The following FABP12 variants were observed in gnomAD, a reference collection of about 807,000 sequenced individuals.
FABP12 encodes the protein fatty acid-binding protein 12.
In FABP12, 19 loss-of-function variants were observed where a neutral mutation model predicts 13.7. The ratio of observed to expected loss-of-function variants is 1.39; its 90% confidence interval spans 0.97 to 2.04. The LOEUF (loss-of-function observed/expected upper bound fraction) is 2.04. Among genes scored for constraint, FABP12 ranks in the 30% most tolerant of loss-of-function variants. The probability of loss-of-function intolerance (pLI) is 0.00; values close to 1 mark genes in which losing one functional copy is unlikely to be tolerated. For missense variants in FABP12, 182 were observed against 164.2 expected, an observed-to-expected ratio of 1.11 and a Z score of -0.59; for synonymous variants, 61 against 57.0, an observed-to-expected ratio of 1.07 and a Z score of -0.32.
intron 1 of FABP12, among the ~76,000 whole-genome samples, chr8:81,561,519 C>T (rs915089786): frequency 6.6e-6 from 1 of 152,124 alleles, no homozygotes; most frequent in Non-Finnish European, 1.5e-5. Flanking sequence ...AAGCAAAAAT[C>T]AGGTGAGTGA....
intron 1 of FABP12, among the ~76,000 whole-genome samples, chr8:81,572,354 G>C (rs772394062): frequency 2.6e-5 from 4 of 152,072 alleles, no homozygotes; most frequent in South Asian, 2.1e-4. Context: ...TCCACTCATT[G>C]ATTGATGGGC....
chr8:81,559,494 G>A (rs55646326), intron 1 of FABP12, among the ~76,000 whole-genome samples: 6 of 152,164 alleles, frequency 3.9e-5, no homozygotes, highest in Non-Finnish European at 7.3e-5. Context: ...GTGATCGGGG[G>A]CTGGTCCAAA....
upstream of FABP12, among the ~76,000 whole-genome samples, chr8:81,537,198 A>T (rs1045172840): frequency 1.3e-5 from 2 of 152,058 alleles, no homozygotes; most frequent in African/African-American, 4.8e-5. Flanking sequence ...AGTCAAATAT[A>T]TGGAATATTT....
intron 1 of FABP12, among the ~76,000 whole-genome samples, chr8:81,555,585 C>A (rs985528167): frequency 6.6e-6 from 1 of 152,148 alleles, no homozygotes; most frequent in Non-Finnish European, 1.5e-5. Context: ...TAGTTGCCAT[C>A]TTTTGATGGT....
chr8:81,526,418 T>C (rs1480364891), intron 4 of FABP12: 1 of 152,212 alleles, frequency 6.6e-6, no homozygotes, highest in Non-Finnish European at 1.5e-5. Context: ...CTGATGCTCC[T>C]CCCAGTACCA....
At chr8:81,541,165 CAA>C (rs35883271) in intron 1 of FABP12, among the ~76,000 whole-genome samples, 16 of 91,340 alleles carry the variant, frequency 1.8e-4, no homozygotes, top group Non-Finnish European at 1.4e-4. Flanking sequence ...GACTCTGTCT[CAA>C]AAAAAAAAAA....
rs35386904 is a variant in FABP12, at chr8:81,539,433, C to CTTTTTTTTTTTTTT, written c.-59+171_-59+184dup. Among the ~76,000 whole-genome samples, 38 of 50,024 alleles carry CTTTTTTTTTTTTTT rather than the reference C, an allele frequency of 7.6e-4. 1 individual carries two copies. Among genetic ancestry groups the CTTTTTTTTTTTTTT allele is most frequent in the South Asian group, 1.4e-3 (1 of 724 alleles). 32.8% of individuals were successfully genotyped at this position (50,024 alleles called of 152,430 possible). A position where few individuals can be genotyped will look rare whatever the true frequency, so the allele number is the denominator to read the frequency against. On this transcript the variant is annotated intron_variant, in intron 2 of 5. Transcript: ENST00000692030. ...AAACATTTTCCTTACTTCTTTAGTTCTTTTTTTTTTTTTTTTTTTTTTTTT... is the reference window on the plus strand; with the variant it reads ...AAACATTTTCCTTACTTCTTTAGTTCTTTTTTTTTTTTTTTTTTTTTTTTTTTTTTTTTTTTTTT...
chr8:81,586,439 A>T (rs910502064), intron 1 of FABP12, among the ~76,000 whole-genome samples: 7 of 152,204 alleles, frequency 4.6e-5, no homozygotes, highest in Non-Finnish European at 8.8e-5. Flanking sequence ...ACAATGGCTG[A>T]ACTAATTTAC....
intron 1 of FABP12, among the ~76,000 whole-genome samples, 149 bp from the exon 2 acceptor site, chr8:81,531,539 C>A (rs549100598): frequency 6.6e-6 from 1 of 152,258 alleles, no homozygotes; most frequent in East Asian, 1.9e-4. Context: ...AAAATGGAAA[C>A]ACAGTAGAGT....
exon 1 of FABP12, among the ~76,000 whole-genome samples, chr8:81,590,062 C>T (rs1318001479): frequency 6.6e-6 from 1 of 152,114 alleles, no homozygotes; most frequent in East Asian, 1.9e-4. Context: ...CCTGAGAATT[C>T]CAAGAAGAGA....
At chr8:81,568,399 A>G (rs1205110410) in intron 1 of FABP12, among the ~76,000 whole-genome samples, 1 of 152,252 alleles carries the variant, frequency 6.6e-6, no homozygotes, top group Non-Finnish European at 1.5e-5. Flanking sequence ...ATCGATCATC[A>G]GAGAAGTAGA....
In FABP12 at chr8:81,581,716, A is replaced by T. The variant is rs147529294; in HGVS notation, c.-185+8337T>A. On this transcript the variant is annotated intron_variant, in intron 1 of 5. Transcript: ENST00000692030. Reference sequence around the variant, plus strand: ...AAAAAGAGTTAGCCACAGATTCCATACCCAGCAAAGTTATTTTTCATAAAT... The same window carrying T: ...AAAAAGAGTTAGCCACAGATTCCATTCCCAGCAAAGTTATTTTTCATAAAT... 3.3e-3 allele frequency among the ~76,000 whole-genome samples: 501 copies of T among 152,336 alleles called. 5 individuals are homozygous for T. Among genetic ancestry groups the T allele is most frequent in the African/African-American group, 0.011 (478 of 41,568 alleles).
In FABP12 at chr8:81,571,035, G is replaced by A. The variant is rs564520881; in HGVS notation, c.-185+19018C>T. On this transcript the variant is annotated intron_variant, in intron 1 of 5. Transcript: ENST00000692030. ...CAAGAGGCACCTGCAGGCCAGCGCCGAGCCACCCTCAGGCCCCCACTCAGT... is the reference window on the plus strand; with the variant it reads ...CAAGAGGCACCTGCAGGCCAGCGCCAAGCCACCCTCAGGCCCCCACTCAGT... Among the ~76,000 whole-genome samples the A allele has an allele frequency of 1.0e-4, 14 of 133,968 alleles. No individual in the cohort carries two copies. In the South Asian group the frequency reaches 1.3e-3, roughly 12 times the overall value. 87.9% of individuals were successfully genotyped at this position (133,968 alleles called of 152,430 possible). A position where few individuals can be genotyped will look rare whatever the true frequency, so the allele number is the denominator to read the frequency against.
At chr8:81,587,150 A>G (rs746426735) in intron 1 of FABP12, among the ~76,000 whole-genome samples, 1 of 152,084 alleles carries the variant, frequency 6.6e-6, no homozygotes, top group Non-Finnish European at 1.5e-5. Context: ...ACATTGGTCT[A>G]TGTGTCTGTT....
At chr8:81,524,992 T>C in exon 5 of FABP12, 1 of 1,182,064 alleles carries the variant, frequency 8.5e-7, no homozygotes, top group South Asian at 1.4e-5. Context: ...AATATTTTAC[T>C]TTGGAGTTTT....
At chr8:81,526,978 CG>C in intron 4 of FABP12, 41 bp downstream of exon 4, 1 of 1,112,298 alleles carries the variant, frequency 9.0e-7, no homozygotes, top group South Asian at 1.4e-5. Context: ...TTATATTAGT[CG>C]TTGCAGAAGG....
chr8:81,574,108 T>C (rs1290723237), intron 1 of FABP12, among the ~76,000 whole-genome samples: 1 of 152,186 alleles, frequency 6.6e-6, no homozygotes, highest in Non-Finnish European at 1.5e-5. Context: ...ATGGCTTTTA[T>C]TACATTGAGG....
chr8:81,525,529 AATAGATAG>A (rs1554576047), intron 4 of FABP12, among the ~76,000 whole-genome samples: 12 of 149,974 alleles, frequency 8.0e-5, no homozygotes, highest in African/African-American at 2.3e-4. Context: ...AAAAAAAAAA[AATAGATAG>A]ATAGATAGAT....
intron 1 of FABP12, among the ~76,000 whole-genome samples, chr8:81,543,377 T>C (rs1454310403): frequency 1.3e-5 from 2 of 152,226 alleles, no homozygotes; most frequent in Non-Finnish European, 2.9e-5. Flanking sequence ...TCTCATGCTA[T>C]TTTAATGATT....
Sources: allele counts gnomAD v4.1 joint callset (sites outside exome capture counted in the v4.1 genomes callset), GRCh38; gene constraint gnomAD v4.1.1; transcripts MANE v1.5; gene names NCBI Gene and HGNC (gene_info 2026-07-23, HGNC 2026-07-21).